EPHA6: variants seen among roughly 807,000 people sequenced by gnomAD.
EPHA6 encodes EPH receptor A6.
In EPHA6, 50 loss-of-function variants were observed where a neutral mutation model predicts 112.0. That is an observed-to-expected ratio of 0.45 (90% CI 0.36 to 0.56). The LOEUF (loss-of-function observed/expected upper bound fraction) is 0.56, where lower values mean the gene tolerates loss of function less well. EPHA6 is among the 20% of genes least tolerant of loss of function. EPHA6 has a pLI of 0.00. For missense variants in EPHA6, 1,280 were observed against 1,417.4 expected (o/e 0.90, Z 1.56); for synonymous variants, 529 against 490.7 (o/e 1.08, Z -1.03).
chr3:97,229,599 T>C (rs2078462537), intron 4 of EPHA6, among the ~76,000 whole-genome samples: 1 of 152,172 alleles, frequency 6.6e-6, no homozygotes, highest in African/African-American at 2.4e-5. Context: ...GCTTATTTTA[T>C]TTACTTCCAT....
chr3:97,539,798 A>G (rs1419840354), intron 11 of EPHA6, among the ~76,000 whole-genome samples: 1 of 152,178 alleles, frequency 6.6e-6, no homozygotes, highest in Non-Finnish European at 1.5e-5. Context: ...TATTTCAATG[A>G]TGTGAGAAGC....
chr3:97,185,277 C>A (rs894094057), intron 3 of EPHA6, among the ~76,000 whole-genome samples: 1 of 152,078 alleles, frequency 6.6e-6, no homozygotes, highest in African/African-American at 2.4e-5. Flanking sequence ...AGTGAACAGG[C>A]AACCTACAGA....
chr3:97,110,181 G>C (rs1300721707), intron 3 of EPHA6, among the ~76,000 whole-genome samples: 2 of 152,054 alleles, frequency 1.3e-5, no homozygotes, highest in Non-Finnish European at 2.9e-5. Context: ...TTCATTCATA[G>C]GGATAAAGTG....
chr3:97,174,104 T>A (rs974268709), intron 3 of EPHA6, among the ~76,000 whole-genome samples: 5 of 151,524 alleles, frequency 3.3e-5, no homozygotes, highest in Non-Finnish European at 7.4e-5. Context: ...TTTTTTTTTT[T>A]AATTTTTAGA....
At chr3:96,896,513 G>C (rs1427890130) in intron 2 of EPHA6, among the ~76,000 whole-genome samples, 1 of 152,140 alleles carries the variant, frequency 6.6e-6, no homozygotes, top group East Asian at 1.9e-4. Context: ...TCACATTAAT[G>C]ATTTTTAGTT....
intron 5 of EPHA6, among the ~76,000 whole-genome samples, chr3:97,273,245 CA>C (rs1182826310): frequency 1.3e-5 from 2 of 152,116 alleles, no homozygotes; most frequent in African/African-American, 4.8e-5. Flanking sequence ...ATAGTCCTGC[CA>C]GCAAAGATTA....
intron 5 of EPHA6, among the ~76,000 whole-genome samples, chr3:97,304,191 G>C (rs572153174): frequency 1.3e-5 from 2 of 152,106 alleles, no homozygotes; most frequent in South Asian, 4.1e-4. Context: ...TCTGCAAACA[G>C]AGACAGTTTT....
chr3:96,902,599 T>C (rs1350540494), intron 2 of EPHA6, among the ~76,000 whole-genome samples: 3 of 152,124 alleles, frequency 2.0e-5, no homozygotes, highest in Non-Finnish European at 4.4e-5. Flanking sequence ...ATCTAGGCTA[T>C]TGATGGAGTC....
intron 5 of EPHA6, among the ~76,000 whole-genome samples, chr3:97,404,557 T>C (rs1373577116): frequency 6.6e-6 from 1 of 152,128 alleles, no homozygotes; most frequent in Non-Finnish European, 1.5e-5. Flanking sequence ...AATTATAATA[T>C]ATGGAAAAGT....
chr3:96,977,576 C>T (rs1299377519), intron 2 of EPHA6, among the ~76,000 whole-genome samples: 4 of 152,086 alleles, frequency 2.6e-5, no homozygotes, highest in Non-Finnish European at 5.9e-5. Flanking sequence ...AGCTGCCATA[C>T]TCATATTCTT....
At chr3:97,551,591 G>A (rs1258255290) in intron 11 of EPHA6, among the ~76,000 whole-genome samples, 1 of 151,958 alleles carries the variant, frequency 6.6e-6, no homozygotes, top group African/African-American at 2.4e-5. Flanking sequence ...TTTTATTCTA[G>A]CATAGCCATA....
chr3:97,395,425 A>G (rs9882345), intron 5 of EPHA6, among the ~76,000 whole-genome samples: 18,290 of 151,820 alleles, frequency 0.12, 3,534 homozygotes, highest in African/African-American at 0.4. Flanking sequence ...AAAAATGTCA[A>G]TTAACATGAT....
intron 5 of EPHA6, among the ~76,000 whole-genome samples, chr3:97,390,273 GT>G (rs2086323160): frequency 6.6e-6 from 1 of 152,166 alleles, no homozygotes; most frequent in Admixed American, 6.6e-5. Flanking sequence ...AACAAAAGCA[GT>G]TTTGCAGCCC....
chr3:97,328,054 C>CACATATATATAT (rs372533674), intron 5 of EPHA6, among the ~76,000 whole-genome samples: 10 of 120,916 alleles, frequency 8.3e-5, no homozygotes, highest in African/African-American at 3.5e-4. Context: ...CATATATACA[C>CACATATATATAT]ATATATATAT....
intron 14 of EPHA6, among the ~76,000 whole-genome samples, chr3:97,673,485 T>C (rs1008798050): frequency 2.0e-5 from 3 of 152,186 alleles, no homozygotes; most frequent in Non-Finnish European, 2.9e-5. Context: ...ACCTCCTTTG[T>C]GATTATCCAG....
At chr3:97,481,551 CG>C in intron 9 of EPHA6, 3 of 717,634 alleles carry the variant, frequency 4.2e-6, no homozygotes, top group Admixed American at 3.8e-5. Flanking sequence ...CTAGAGCCGC[CG>C]GGGCGCGGCG....
intron 11 of EPHA6, among the ~76,000 whole-genome samples, chr3:97,543,443 C>T (rs1198378297): frequency 2.6e-5 from 4 of 152,116 alleles, no homozygotes; most frequent in African/African-American, 9.7e-5. Flanking sequence ...TGTTCTGTTC[C>T]ATTGGTCTAT....
intron 1 of EPHA6, among the ~76,000 whole-genome samples, chr3:96,830,134 A>G (rs1353698163): frequency 6.6e-6 from 1 of 152,130 alleles, no homozygotes. Flanking sequence ...TTTTTCTACT[A>G]TAATTCAGGT....
rs1282334294 is a variant in EPHA6 at position 97,750,408 on chromosome 3, G to T, written c.*1707G>T. Among the ~76,000 whole-genome samples, 2 of 152,040 alleles carry T rather than the reference G, an allele frequency of 1.3e-5. No individual in the cohort carries two copies. Among genetic ancestry groups the T allele is most frequent in the Admixed American group, 6.6e-5 (1 of 15,262 alleles). On this transcript the variant is annotated 3_prime_UTR_variant, in exon 18 of 18. Coordinates refer to ENST00000389672, the MANE Select transcript of EPHA6 (RefSeq NM_001080448.3). ...TTTTGCTCTTGTTGCCCAGGCTGGA[G>T]TGCAATGGTGAGATCTTGGCTCACG...
Sources: gnomAD v4.1 joint callset for allele counts (sites outside exome capture counted in the v4.1 genomes callset) on GRCh38, gnomAD v4.1.1 for gene constraint, MANE v1.5 for transcripts, NCBI Gene and HGNC (gene_info 2026-07-23, HGNC 2026-07-21) for gene names.